The following SRGAP2 variants were observed in gnomAD, a reference collection of about 807,000 sequenced individuals.
SRGAP2 encodes SLIT-ROBO Rho GTPase activating protein 2.
In SRGAP2, 15 loss-of-function variants were observed where a neutral mutation model predicts 57.2. The observed-to-expected ratio is 0.26, with a 90% CI of 0.18 to 0.40. SRGAP2 has a LOEUF of 0.40. Among genes scored for constraint, SRGAP2 ranks in the 10% least tolerant of loss-of-function variants. The pLI, the probability that SRGAP2 is intolerant of heterozygous loss-of-function variation, is 1.00. For synonymous variants in SRGAP2, 249 were observed against 248.0 expected, an observed-to-expected ratio of 1.00 and a Z score of -0.04; for missense variants, 520 against 669.6, an observed-to-expected ratio of 0.78 and a Z score of 2.47.
At chr1:206,386,159 C>G (rs1553348408) in intron 5 of SRGAP2, among the ~76,000 whole-genome samples, 1 of 152,114 alleles carries the variant, frequency 6.6e-6, no homozygotes, top group East Asian at 1.9e-4. Context: ...ATCTAGAGGC[C>G]AGGGGTGCTG....
intron 3 of SRGAP2, among the ~76,000 whole-genome samples, chr1:206,313,605 T>C (rs1672833068): frequency 6.6e-6 from 1 of 152,176 alleles, no homozygotes; most frequent in Admixed American, 6.5e-5. Context: ...GATGGGTTTG[T>C]ATTGTGGAGG....
intron 2 of SRGAP2, among the ~76,000 whole-genome samples, chr1:206,210,923 G>A (rs1398557270): frequency 6.6e-6 from 1 of 152,132 alleles, no homozygotes; most frequent in African/African-American, 2.4e-5. Flanking sequence ...CTACTCTGCA[G>A]CAGTAAGGTG....
intron 2 of SRGAP2, among the ~76,000 whole-genome samples, chr1:206,240,188 C>T (rs1309450771): frequency 7.9e-5 from 12 of 151,546 alleles, no homozygotes; most frequent in Admixed American, 1.3e-4. Context: ...GCTGCTTGAA[C>T]CCGGGAGGCA....
Position 206,463,588 on chromosome 1 carries a change from C to T in SRGAP2, c.*2168C>T, listed in dbSNP as rs1553381813. ...CTGTTCTGTTGCTCCTGCCTTATTTCTCTTTCAACCCTGTACATGACTCGT... is the reference window on the plus strand; with the variant it reads ...CTGTTCTGTTGCTCCTGCCTTATTTTTCTTTCAACCCTGTACATGACTCGT... On this transcript the variant is annotated 3_prime_UTR_variant, in exon 23 of 23. Transcript: ENST00000573034. The T allele has an allele frequency of 6.5e-6, 1 of 152,708 alleles. No individual in the cohort carries two copies. The highest frequency in any genetic ancestry group is 1.5e-5 in the Non-Finnish European group (1 of 68,094). The allele number at this position is 152,708 out of a possible 1,614,324, so 9.5% of individuals were successfully genotyped here.
At chr1:206,308,069 C>T (rs1672367810) in intron 3 of SRGAP2, among the ~76,000 whole-genome samples, 1 of 141,312 alleles carries the variant, frequency 7.1e-6, no homozygotes, top group African/African-American at 2.6e-5. Context: ...GGTGATTTCT[C>T]CAAGTTTAGA....
At chr1:206,270,394 A>G (rs1228294250) in intron 2 of SRGAP2, among the ~76,000 whole-genome samples, 1 of 52,344 alleles carries the variant, frequency 1.9e-5, no homozygotes, top group African/African-American at 8.4e-5. Flanking sequence ...ATTTGCTCAT[A>G]CATTGCATTC....
At position 206,419,831 on chromosome 1, in the gene SRGAP2, GAAAAGA is replaced by G. The variant is rs1458834194; in HGVS notation, c.1469+433_1469+438del. Reference sequence around the variant, plus strand: ...GATTTTTTTTTTTTTTTAATGCCCAGAAAAGAAGGCAGCCCCTAATTAGTAGTGACT... The same window carrying G: ...GATTTTTTTTTTTTTTTAATGCCCAGAGGCAGCCCCTAATTAGTAGTGACT... On this transcript the variant is annotated intron_variant, in intron 12 of 22. Transcript: ENST00000573034. Among the ~76,000 whole-genome samples the G allele has an allele frequency of 9.3e-5, 14 of 150,592 alleles. No homozygotes were observed. In the East Asian group the frequency reaches 2.5e-3, roughly 27 times the overall value.
At chr1:206,447,013 T>C (rs1348727772) in intron 18 of SRGAP2, among the ~76,000 whole-genome samples, 1 of 152,200 alleles carries the variant, frequency 6.6e-6, no homozygotes, top group Non-Finnish European at 1.5e-5. Flanking sequence ...GTGACAGTAT[T>C]TTAGGCCACT....
intron 14 of SRGAP2, among the ~76,000 whole-genome samples, chr1:206,431,559 A>T (rs577909938): frequency 6.6e-6 from 1 of 152,392 alleles, no homozygotes; most frequent in African/African-American, 2.4e-5. Context: ...AGAAAGTCTG[A>T]GCCACTGTTC....
chr1:206,399,845 C>T (rs1263920404), intron 7 of SRGAP2, among the ~76,000 whole-genome samples: 28 of 151,856 alleles, frequency 1.8e-4, no homozygotes, highest in African/African-American at 4.8e-4. Flanking sequence ...CCTAATGAGC[C>T]GCTTTTGTCT....
intron 2 of SRGAP2, among the ~76,000 whole-genome samples, chr1:206,256,195 C>T (rs1213634428): frequency 2.0e-5 from 3 of 151,784 alleles, no homozygotes; most frequent in Admixed American, 2.0e-4. Context: ...AACAGAATGA[C>T]TCTGGAACCC....
Position 206,303,363 on chromosome 1 carries a change from G to A in SRGAP2, c.150G>A (p.Gln50=). 3 of 1,497,016 alleles carry A rather than the reference G, an allele frequency of 2.0e-6. No individual in the cohort carries two copies. The highest frequency in any genetic ancestry group is 1.2e-5 in the South Asian group (1 of 81,000). The allele number at this position is 1,497,016 out of a possible 1,614,324, so 92.7% of individuals were successfully genotyped here. ...GGGTGCAACTGTTGCAGGACCTCCA[G>A]GACTTCTTCCGAAAGAAGGCAGAGA... ...ELRVQLLQDL[Q]DFFRKKAEIE... Residue 50 remains glutamine (Q), a synonymous_variant, in exon 3 of 23, where the codon CAG becomes CAA. Coordinates refer to ENST00000573034, the MANE Select transcript of SRGAP2 (RefSeq NM_015326.5).
intron 2 of SRGAP2, among the ~76,000 whole-genome samples, chr1:206,292,744 A>G (rs1671398245): frequency 6.7e-6 from 1 of 149,872 alleles, no homozygotes; most frequent in Non-Finnish European, 1.5e-5. Flanking sequence ...AGCTGCATTC[A>G]CTTTGCTAGT....
At chr1:206,256,108 C>A in intron 2 of SRGAP2, among the ~76,000 whole-genome samples, 1 of 150,302 alleles carries the variant, frequency 6.7e-6, no homozygotes, top group Middle Eastern at 3.4e-3. Flanking sequence ...GATTTTATTA[C>A]ATTAGAAGAG....
chr1:206,292,094 A>G (rs1203498045), intron 2 of SRGAP2, among the ~76,000 whole-genome samples: 14 of 152,086 alleles, frequency 9.2e-5, no homozygotes, highest in Non-Finnish European at 5.9e-5. Context: ...GAGATTGCTT[A>G]TAAGTTGACT....
At chr1:206,417,198 G>A (rs561886990) in intron 11 of SRGAP2, among the ~76,000 whole-genome samples, 7 of 148,202 alleles carry the variant, frequency 4.7e-5, no homozygotes, top group African/African-American at 1.8e-4. Flanking sequence ...CCACCTCCTA[G>A]ATTAAAGGGA....
At chr1:206,290,676 G>A (rs1444610676) in intron 2 of SRGAP2, among the ~76,000 whole-genome samples, 3 of 148,396 alleles carry the variant, frequency 2.0e-5, no homozygotes, top group Non-Finnish European at 3.0e-5. Flanking sequence ...AAGAAGAAAT[G>A]TATGTAGTGC....
chr1:206,341,222 G>C (rs1571903213), intron 3 of SRGAP2, among the ~76,000 whole-genome samples: 1 of 152,190 alleles, frequency 6.6e-6, no homozygotes, highest in African/African-American at 2.4e-5. Flanking sequence ...GGCCTTTAGT[G>C]CTGAATGGAG....
intron 4 of SRGAP2, among the ~76,000 whole-genome samples, chr1:206,355,633 A>G (rs1676372881): frequency 6.6e-6 from 1 of 152,180 alleles, no homozygotes; most frequent in African/African-American, 2.4e-5. Context: ...TAGACAAGTT[A>G]CTTTTTGTCA....
Sources: allele counts gnomAD v4.1 joint callset (sites outside exome capture counted in the v4.1 genomes callset), GRCh38; gene constraint gnomAD v4.1.1; transcripts MANE v1.5; gene names NCBI Gene and HGNC (gene_info 2026-07-23, HGNC 2026-07-21).